Variants in METTL23 observed in about 807,000 individuals in gnomAD.
METTL23 encodes the protein histone-arginine methyltransferase METTL23.
A neutral mutation model predicts 21.2 loss-of-function variants in METTL23; 24 were observed. That is an observed-to-expected ratio of 1.13 (90% CI 0.82 to 1.59). The LOEUF is 1.59. Among genes scored for constraint, METTL23 ranks in the 40% most tolerant of loss-of-function variants. METTL23 has a pLI of 0.00. For missense variants in METTL23, 276 were observed against 221.4 expected, an observed-to-expected ratio of 1.25 and a Z score of -1.57; for synonymous variants, 97 against 75.2, an observed-to-expected ratio of 1.29 and a Z score of -1.50.
chr17:76,731,285 A>G (rs1052439487), intron 2 of METTL23, among the ~76,000 whole-genome samples: 3 of 152,194 alleles, frequency 2.0e-5, no homozygotes, highest in Non-Finnish European at 4.4e-5. Flanking sequence ...AAAAGAATAA[A>G]GAAATTTGGG....
At chr17:76,726,335 C>A, upstream of METTL23, 1 of 1,565,920 alleles carries the variant, frequency 6.4e-7, no homozygotes, top group Non-Finnish European at 8.6e-7. Flanking sequence ...CACCCCCGCC[C>A]GACCCGCTCA....
chr17:76,726,344 C>T (rs1274184594), upstream of METTL23: 24 of 1,577,914 alleles, frequency 1.5e-5, no homozygotes, highest in Non-Finnish European at 2.0e-5. Context: ...CCGACCCGCT[C>T]ACCGCCACGG....
intron 4 of METTL23, 45 bp downstream of exon 4, chr17:76,733,422 A>C: frequency 6.2e-7 from 1 of 1,603,306 alleles, no homozygotes; most frequent in African/African-American, 1.3e-5. Context: ...CTTAAGCCTT[A>C]CTCTACCCTA....
At position 76,733,113 on chromosome 17, in the gene METTL23, C is replaced by G. The variant is rs768339341; in HGVS notation, c.220C>G (p.Leu74Val). 9.9e-6 allele frequency: 16 copies of G among 1,613,490 alleles called. No homozygotes were observed. The highest frequency in any genetic ancestry group is 1.4e-5 in the Non-Finnish European group (16 of 1,179,658). ...QSCQMNNLPH[L>V]QVVGLTWGHI... The stretch of plus-strand genomic sequence containing the variant: ...CTGCCAAATGAATAACCTGCCACAT[C>G]TGCAGGTGGTAGGACTAACATGGGG... The change falls in exon 3 of 5, where the codon CTG becomes GTG. Residue 74 changes from leucine to valine, a missense_variant. By Grantham distance (32) the Leu-to-Val change is conservative. Coordinates refer to ENST00000341249, the MANE Select transcript of METTL23 (RefSeq NM_001080510.5).
chr17:76,731,390 G>C (rs1357400294), intron 2 of METTL23, among the ~76,000 whole-genome samples: 1 of 152,226 alleles, frequency 6.6e-6, no homozygotes, highest in East Asian at 1.9e-4. Flanking sequence ...AGTGTCCTCT[G>C]TGTTCTTAAG....
intron 2 of METTL23, among the ~76,000 whole-genome samples, chr17:76,730,646 T>G (rs937180774): frequency 6.6e-6 from 1 of 152,346 alleles, no homozygotes; most frequent in Middle Eastern, 3.4e-3. Flanking sequence ...CAAAATACCA[T>G]AAACTGGGTG....
intron 2 of METTL23, among the ~76,000 whole-genome samples, chr17:76,732,496 CAA>C (rs35371040): frequency 2.9e-5 from 4 of 139,846 alleles, no homozygotes; most frequent in African/African-American, 1.0e-4. Context: ...CAAACGCTCT[CAA>C]AAAAAAAAAA....
rs1195265364 is a variant in METTL23 at position 76,727,170 on chromosome 17, G to GTCCC, written c.-29_-26dup. ...CGACGGGGCTGTCCTGGAGGTCCAC[G>GTCCC]TCCCGCAGGTGCGTGCAGCAGCACC... On this transcript the variant is annotated 5_prime_UTR_variant, in exon 1 of 5. Coordinates refer to ENST00000341249, the MANE Select transcript of METTL23 (RefSeq NM_001080510.5). 2.3e-6 allele frequency: 1 copy of GTCCC among 427,696 alleles called. No homozygotes were observed. Among genetic ancestry groups the GTCCC allele is most frequent in the Non-Finnish European group, 4.7e-6 (1 of 211,988 alleles). The allele number at this position is 427,696 out of a possible 1,614,324, so 26.5% of individuals were successfully genotyped here.
chr17:76,732,246 TA>T (rs1382324747), intron 2 of METTL23, among the ~76,000 whole-genome samples: 1 of 151,962 alleles, frequency 6.6e-6, no homozygotes, highest in Non-Finnish European at 1.5e-5. Context: ...CTCATGCCTG[TA>T]ATCCTAGCAC....
At chr17:76,732,282 C>T (rs1190977365) in intron 2 of METTL23, among the ~76,000 whole-genome samples, 1 of 152,044 alleles carries the variant, frequency 6.6e-6, no homozygotes, top group African/African-American at 2.4e-5. Context: ...ACAGGTGGAT[C>T]ACCTGTCGGG....
Position 76,733,142 on chromosome 17 carries a change from T to C in METTL23, c.249T>C (p.His83=). The C allele has an allele frequency of 6.2e-7, 1 of 1,613,914 alleles. No homozygotes were observed. The highest frequency in any genetic ancestry group is 8.5e-7 in the Non-Finnish European group (1 of 1,179,856). The change falls in exon 3 of 5, where the codon CAT becomes CAC. Residue 83 remains histidine (H), a synonymous_variant. Coordinates refer to ENST00000341249, the MANE Select transcript of METTL23 (RefSeq NM_001080510.5). ...AGGTGGTAGGACTAACATGGGGTCA[T>C]ATATCTTGGGATCTTCTGGCTCTAC... The part of the protein sequence containing the change: ...HLQVVGLTWG[H]ISWDLLALPP...
intron 2 of METTL23, among the ~76,000 whole-genome samples, chr17:76,730,561 G>A (rs1195440369): frequency 1.3e-5 from 2 of 152,360 alleles, no homozygotes; most frequent in African/African-American, 4.8e-5. Context: ...TTCCACGGCC[G>A]TGGCAGTCTT....
intron 1 of METTL23, chr17:76,727,475 C>A: frequency 5.3e-6 from 1 of 187,260 alleles, no homozygotes. Context: ...GCTAGGATTA[C>A]AGGCATGAGC....
chr17:76,727,897 G>A (rs559498528), intron 1 of METTL23, among the ~76,000 whole-genome samples: 1 of 152,092 alleles, frequency 6.6e-6, no homozygotes, highest in Non-Finnish European at 1.5e-5. Context: ...GCCTGTCTTC[G>A]GTTTTTCAAA....
At position 76,733,585 on chromosome 17, in the gene METTL23, G is replaced by A; in HGVS notation, c.472G>A (p.Glu158Lys). The A allele has an allele frequency of 6.2e-7, 1 of 1,613,674 alleles. No individual in the cohort carries two copies. The highest frequency in any genetic ancestry group is 8.5e-7 in the Non-Finnish European group (1 of 1,179,812). Residue 158 changes from glutamate to lysine, a missense_variant, in exon 5 of 5, where the codon GAG (glutamate) becomes AAG (lysine). Physicochemically the swap from Glu to Lys is moderately conservative, Grantham distance 56 (BLOSUM62 1). Coordinates refer to ENST00000341249, the MANE Select transcript of METTL23 (RefSeq NM_001080510.5). Reference sequence around the variant, plus strand: ...TATGAAATGTGTCCACATTCCTCTTGAGTCTTTTGATGCAGACAAAGAAGA... The same window carrying A: ...TATGAAATGTGTCCACATTCCTCTTAAGTCTTTTGATGCAGACAAAGAAGA... ...WDMKCVHIPL[E>K]SFDADKEDIA...
At chr17:76,726,261 C>G, upstream of METTL23, 1 of 1,457,624 alleles carries the variant, frequency 6.9e-7, no homozygotes, top group East Asian at 2.8e-5. Flanking sequence ...GCGCTCGGGG[C>G]GAGGGCAGCC....
chr17:76,728,174 TG>T (rs2077034262), intron 1 of METTL23, among the ~76,000 whole-genome samples: 1 of 150,260 alleles, frequency 6.7e-6, no homozygotes. Context: ...AGGTCGAGGC[TG>T]CTGTGAGCTA....
chr17:76,726,833 C>T (rs1275826184), upstream of METTL23: 6 of 410,716 alleles, frequency 1.5e-5, no homozygotes, highest in Admixed American at 1.6e-4. Flanking sequence ...TGCCGCTGTG[C>T]CCATCACTTC....
intron 1 of METTL23, among the ~76,000 whole-genome samples, chr17:76,728,836 C>G (rs1249661053): frequency 6.7e-6 from 1 of 149,730 alleles, no homozygotes; most frequent in Non-Finnish European, 1.5e-5. Flanking sequence ...CTCTGTCGCC[C>G]AGGCTGGAGT....
Sources: gnomAD v4.1 joint callset for allele counts (sites outside exome capture counted in the v4.1 genomes callset) on GRCh38, gnomAD v4.1.1 for gene constraint, MANE v1.5 for transcripts, NCBI Gene and HGNC (gene_info 2026-07-23, HGNC 2026-07-21) for gene names.